Variants in AGPS observed in about 807,000 individuals in gnomAD.
AGPS encodes alkylglycerone phosphate synthase, also known as alkyldihydroxyacetonephosphate synthase, peroxisomal.
A neutral mutation model predicts 90.7 loss-of-function variants in AGPS; 26 were observed. That is an observed-to-expected ratio of 0.29 (90% CI 0.21 to 0.40). The LOEUF (loss-of-function observed/expected upper bound fraction) is 0.40, where lower values mean the gene tolerates loss of function less well. Ranked by LOEUF, AGPS falls within the 10% of genes least tolerant of loss-of-function variation. AGPS has a pLI of 1.00. For synonymous variants in AGPS, 294 were observed against 285.3 expected, an observed-to-expected ratio of 1.03 and a Z score of -0.31; for missense variants, 540 against 816.1, an observed-to-expected ratio of 0.66 and a Z score of 4.12.
At chr2:177,475,311 A>T (rs767597423) in intron 10 of AGPS, among the ~76,000 whole-genome samples, 2 of 152,196 alleles carry the variant, frequency 1.3e-5, no homozygotes, top group Non-Finnish European at 2.9e-5. Flanking sequence ...GGTGAGAAAG[A>T]GTAGGTGTGG....
chr2:177,404,365 C>G (rs1482078836), intron 1 of AGPS, among the ~76,000 whole-genome samples: 1 of 152,094 alleles, frequency 6.6e-6, no homozygotes, highest in East Asian at 1.9e-4. Flanking sequence ...AATGTACATT[C>G]CGTGCTTATT....
chr2:177,462,196 C>T (rs530696128), intron 9 of AGPS, among the ~76,000 whole-genome samples, 178 bp downstream of exon 9: 1 of 151,778 alleles, frequency 6.6e-6, no homozygotes, highest in African/African-American at 2.4e-5. Context: ...CGAGACCATC[C>T]TGGCTAACAA....
intron 11 of AGPS, among the ~76,000 whole-genome samples, chr2:177,491,448 T>C (rs940107918): frequency 6.8e-6 from 1 of 147,702 alleles, no homozygotes; most frequent in Non-Finnish European, 1.5e-5. Context: ...TTTTTTTTTT[T>C]GTATTTTTAG....
intron 8 of AGPS, among the ~76,000 whole-genome samples, chr2:177,454,505 G>C (rs1687054038): frequency 6.6e-6 from 1 of 151,446 alleles, no homozygotes; most frequent in African/African-American, 2.4e-5. Context: ...GTTAGTTCTG[G>C]ATTGGTTTTG....
At chr2:177,411,322 C>T (rs1007369097) in intron 1 of AGPS, among the ~76,000 whole-genome samples, 3 of 152,186 alleles carry the variant, frequency 2.0e-5, no homozygotes, top group South Asian at 2.1e-4. Context: ...TCTCCAGAAA[C>T]GTGGTAGGAT....
intron 8 of AGPS, among the ~76,000 whole-genome samples, chr2:177,456,962 T>C (rs1403783368): frequency 1.3e-5 from 2 of 152,068 alleles, no homozygotes; most frequent in African/African-American, 4.8e-5. Flanking sequence ...CCTCAGCAAA[T>C]GCAAAAGAAC....
intron 9 of AGPS, among the ~76,000 whole-genome samples, chr2:177,463,086 G>A (rs1687348395): frequency 1.3e-5 from 2 of 152,168 alleles, no homozygotes; most frequent in South Asian, 4.1e-4. Context: ...GTTCTACCAA[G>A]TAGTGGTAAG....
rs1018920361 is a variant in AGPS, at chr2:177,541,133, G to A, written c.*2938G>A. On this transcript the variant is annotated 3_prime_UTR_variant, in exon 20 of 20. Transcript: ENST00000264167. Reference sequence around the variant, plus strand: ...TATTTATGAAGTTGGGAGCCTTCTAGTTTGCCTGTGTTGATGTATTTTGAA... The same window carrying A: ...TATTTATGAAGTTGGGAGCCTTCTAATTTGCCTGTGTTGATGTATTTTGAA... 6.6e-6 allele frequency: 1 copy of A among 152,100 alleles called. No individual in the cohort carries two copies. Among genetic ancestry groups the A allele is most frequent in the East Asian group, 1.9e-4 (1 of 5,198 alleles). 9.4% of individuals were successfully genotyped at this position (152,100 alleles called of 1,614,324 possible). A position where few individuals can be genotyped will look rare whatever the true frequency, so the allele number is the denominator to read the frequency against.
At chr2:177,421,856 CCTT>C (rs1299791079) in intron 2 of AGPS, among the ~76,000 whole-genome samples, 2 of 152,086 alleles carry the variant, frequency 1.3e-5, no homozygotes, top group Non-Finnish European at 2.9e-5. Flanking sequence ...CCTCATTTCT[CCTT>C]CTCTTTTTCT....
chr2:177,453,616 C>T (rs1687018039), intron 8 of AGPS, among the ~76,000 whole-genome samples: 2 of 151,428 alleles, frequency 1.3e-5, no homozygotes, highest in South Asian at 4.2e-4. Context: ...TCAGCACCAT[C>T]TCCTAAAGAC....
chr2:177,487,548 A>T (rs1408746057), intron 11 of AGPS, among the ~76,000 whole-genome samples: 2 of 152,156 alleles, frequency 1.3e-5, no homozygotes, highest in African/African-American at 4.8e-5. Flanking sequence ...TTTTAAACTT[A>T]ATTTATCTTG....
At chr2:177,475,189 A>G (rs1687745022) in intron 10 of AGPS, among the ~76,000 whole-genome samples, 1 of 152,238 alleles carries the variant, frequency 6.6e-6, no homozygotes, top group African/African-American at 2.4e-5. Context: ...ATTCCAAGAT[A>G]CCAGGAATTT....
chr2:177,531,727 A>G (rs1446239635), intron 19 of AGPS, among the ~76,000 whole-genome samples: 2 of 152,206 alleles, frequency 1.3e-5, no homozygotes, highest in African/African-American at 4.8e-5. Context: ...AAAGCAGTCA[A>G]TCTACCTTAT....
At chr2:177,418,744 A>C (rs1256559092) in intron 1 of AGPS, among the ~76,000 whole-genome samples, 1 of 151,892 alleles carries the variant, frequency 6.6e-6, no homozygotes, top group African/African-American at 2.4e-5. Flanking sequence ...AAAATATCCT[A>C]ATCTGTTTTT....
At chr2:177,432,797 G>C (rs1179068172) in intron 2 of AGPS, among the ~76,000 whole-genome samples, 1 of 152,120 alleles carries the variant, frequency 6.6e-6, no homozygotes, top group African/African-American at 2.4e-5. Context: ...ATGGCATCAG[G>C]GTCTGCTTCT....
chr2:177,485,775 G>A (rs1363569091), intron 11 of AGPS, among the ~76,000 whole-genome samples: 2 of 152,198 alleles, frequency 1.3e-5, no homozygotes, highest in East Asian at 3.9e-4. Context: ...AAATTAGCTG[G>A]GTATGGAGGC....
At chr2:177,440,064 G>A (rs550763281) in intron 5 of AGPS, among the ~76,000 whole-genome samples, 4 of 152,070 alleles carry the variant, frequency 2.6e-5, no homozygotes, top group Non-Finnish European at 5.9e-5. Flanking sequence ...ATCATCAATG[G>A]TGCTAAAATT....
At chr2:177,500,180 A>AC (rs764216173) in intron 14 of AGPS, among the ~76,000 whole-genome samples, 5 of 152,030 alleles carry the variant, frequency 3.3e-5, no homozygotes, top group Non-Finnish European at 7.4e-5. Flanking sequence ...TCTATACTGC[A>AC]CCCCCTGTCA....
At chr2:177,416,516 G>A (rs578156692) in intron 1 of AGPS, among the ~76,000 whole-genome samples, 1 of 150,568 alleles carries the variant, frequency 6.6e-6, no homozygotes, top group African/African-American at 2.4e-5. Context: ...CAGGAGGAGG[G>A]TTTTTTTTTG....
Sources: gnomAD v4.1 joint callset for allele counts (sites outside exome capture counted in the v4.1 genomes callset) on GRCh38, gnomAD v4.1.1 for gene constraint, MANE v1.5 for transcripts, NCBI Gene and HGNC (gene_info 2026-07-23, HGNC 2026-07-21) for gene names.